The following CCDC87 variants were observed in gnomAD, a reference collection of about 807,000 sequenced individuals.
The protein encoded by CCDC87 is coiled-coil domain containing 87, also known as coiled-coil domain-containing protein 87.
For synonymous variants in CCDC87, 434 were observed against 440.2 expected (o/e 0.99, Z 0.18); for missense variants, 1,072 against 1,041.7 (o/e 1.03, Z -0.40).
Position 66,592,355 on chromosome 11 carries a change from G to C in CCDC87, c.661C>G (p.Gln221Glu). The C allele has an allele frequency of 6.2e-7, 1 of 1,614,174 alleles. No homozygotes were observed. The highest frequency in any genetic ancestry group is 8.5e-7 in the Non-Finnish European group (1 of 1,180,030). ...TAGTTCAGGTTGAGGTTAGAGCACT[G>C]CACTTGGGCGAAGCCAGTGCTGTGA... ...WPHSTGFAQV[Q>E]CSNLNLNYLI... Residue 221 changes from glutamine (Q) to glutamate (E), a missense_variant, in exon 1 of 1, where the codon CAG (glutamine) becomes GAG (glutamate). Coordinates refer to ENST00000333861, the MANE Select transcript of CCDC87 (RefSeq NM_018219.3).
At position 66,592,200 on chromosome 11, in the gene CCDC87, C is replaced by G. The variant is rs1262918836; in HGVS notation, c.816G>C (p.Lys272Asn). Residue 272 changes from lysine to asparagine, a missense_variant, in exon 1 of 1, where the codon AAG (lysine) becomes AAC (asparagine). Lys to Asn is a moderately conservative substitution (Grantham distance 94). Transcript: ENST00000333861. ...AGGAACTGATGTCGATTTCTCTCTT[C>G]TTTCCTATGGAGGGCAGCCAGTGGA... is the stretch of plus-strand genomic sequence containing the variant. ...KPFHWLPSIG[K>N]KREIDISSSQ... The G allele has an allele frequency of 3.7e-6, 6 of 1,605,668 alleles. No individual in the cohort carries two copies. In the African/African-American group the frequency reaches 8.0e-5, roughly 22 times the overall value.
chr11:66,592,723 G>C lies in CCDC87; in HGVS notation c.293C>G (p.Pro98Arg), dbSNP rs1243059154. 1 of 1,613,962 alleles carries C rather than the reference G, an allele frequency of 6.2e-7. No individual in the cohort carries two copies. Among genetic ancestry groups the C allele is most frequent in the Admixed American group, 1.7e-5 (1 of 60,028 alleles). The change falls in exon 1 of 1, where the codon CCG becomes CGG. Residue 98 changes from proline (P) to arginine (R), a missense_variant. Pro to Arg is a moderately radical substitution (Grantham distance 103). Transcript: ENST00000333861. ...LDELKCSWRE[P>R]PAELSLSHKN... The stretch of plus-strand genomic sequence containing the variant: ...GTGGCTCAGACTAAGTTCGGCGGGC[G>C]GCTCCCGCCAGCTGCACTTCAGCTC...
rs141833535 is a variant in CCDC87 at position 66,591,764 on chromosome 11, G to C, written c.1252C>G (p.Pro418Ala). The change falls in exon 1 of 1, where the codon CCC (proline) becomes GCC (alanine). Residue 418 changes from proline (P) to alanine (A), a missense_variant. Coordinates refer to ENST00000333861, the MANE Select transcript of CCDC87 (RefSeq NM_018219.3). ...GGGTGAAGTGGAAAGGATTTGGGGG[G>C]CTGGGGGTCCCACTGCCCAGAGGCT... The part of the protein sequence containing the change: ...EEASGQWDPQ[P>A]PKSFPLHPQP... 1.7e-5 allele frequency: 28 copies of C among 1,613,500 alleles called. No individual in the cohort carries two copies. The highest frequency in any genetic ancestry group is 4.0e-5 in the African/African-American group (3 of 74,924).
In CCDC87 at chr11:66,591,256, GAGT is replaced by G. The variant is rs778903383; in HGVS notation, c.1757_1759del (p.Asn586_Ser587delinsThr). On this transcript the variant is annotated inframe_deletion, in exon 1 of 1. Coordinates refer to ENST00000333861, the MANE Select transcript of CCDC87 (RefSeq NM_018219.3). ...ATCCACAGACAAGGTGGTTTTCCAT[GAGT>G]TCATCAAGGAGGCCTTGTTTGACCA... 1 of 1,614,250 alleles carries G rather than the reference GAGT, an allele frequency of 6.2e-7. No homozygotes were observed. Among genetic ancestry groups the G allele is most frequent in the South Asian group, 1.1e-5 (1 of 91,090 alleles).
Position 66,592,930 on chromosome 11 carries a change from G to A in CCDC87, c.86C>T (p.Thr29Met), listed in dbSNP as rs865913084. Residue 29 changes from threonine to methionine, a missense_variant, in exon 1 of 1, where the codon ACG (threonine) becomes ATG (methionine). By Grantham distance (81) the Thr-to-Met change is moderately conservative (BLOSUM62 -1). Transcript: ENST00000333861. ...GCGCTTCTGAGGCTCTGGGGACGTCGTCCTAGTGGGGAAGAGCGACAGCGG... is the reference window on the plus strand; with the variant it reads ...GCGCTTCTGAGGCTCTGGGGACGTCATCCTAGTGGGGAAGAGCGACAGCGG... ...LRPLSLFPTR[T>M]TSPEPQKRPP... The A allele has an allele frequency of 1.3e-6, 2 of 1,522,036 alleles. No individual in the cohort carries two copies. Among genetic ancestry groups the A allele is most frequent in the African/African-American group, 2.8e-5 (2 of 71,782 alleles). The allele number at this position is 1,522,036 out of a possible 1,614,324, so 94.3% of individuals were successfully genotyped here.
Position 66,590,256 on chromosome 11 carries a change from A to G in CCDC87, c.*210T>C. The G allele has an allele frequency of 1.9e-6, 1 of 532,106 alleles. No homozygotes were observed. The highest frequency in any genetic ancestry group is 3.3e-6 in the Non-Finnish European group (1 of 305,126). The allele number at this position is 532,106 out of a possible 1,614,324, so 33.0% of individuals were successfully genotyped here. ...TAGGCTTGGGGATTCTTTCATGAGAATTTCACTAAGAAAACAATAGTTTTA... is the reference window on the plus strand; with the variant it reads ...TAGGCTTGGGGATTCTTTCATGAGAGTTTCACTAAGAAAACAATAGTTTTA... On this transcript the variant is annotated 3_prime_UTR_variant, in exon 1 of 1. Coordinates refer to ENST00000333861, the MANE Select transcript of CCDC87 (RefSeq NM_018219.3).
rs774753466 is a variant in CCDC87 at position 66,591,758 on chromosome 11, T to TG, written c.1257dup (p.Lys420GlnfsTer17). 1.2e-6 allele frequency: 2 copies of TG among 1,613,450 alleles called. No individual in the cohort carries two copies. On this transcript the variant is annotated frameshift_variant, in exon 1 of 1. Coordinates refer to ENST00000333861, the MANE Select transcript of CCDC87 (RefSeq NM_018219.3). LOFTEE classifies it low-confidence loss of function (END_TRUNC). Reference sequence around the variant, plus strand: ...GGCTGTGGGTGAAGTGGAAAGGATTTGGGGGGCTGGGGGTCCCACTGCCCA... The same window carrying TG: ...GGCTGTGGGTGAAGTGGAAAGGATTTGGGGGGGCTGGGGGTCCCACTGCCCA...
Position 66,590,878 on chromosome 11 carries a change from T to C in CCDC87, c.2138A>G (p.Gln713Arg). Reference protein sequence around the residue: ...IKYSSKARLRQLPSLVNAWER... With the variant: ...IKYSSKARLRRLPSLVNAWER... ...CCAGGCATTCACCAATGAAGGCAGCTGCCTCAGGCGGGCTTTGGAGCTATA... is the reference window on the plus strand; with the variant it reads ...CCAGGCATTCACCAATGAAGGCAGCCGCCTCAGGCGGGCTTTGGAGCTATA... The change falls in exon 1 of 1, where the codon CAG (glutamine) becomes CGG (arginine). Residue 713 changes from glutamine (Q) to arginine (R), a missense_variant. Physicochemically the swap from Gln to Arg is conservative, Grantham distance 43 (BLOSUM62 1). Coordinates refer to ENST00000333861, the MANE Select transcript of CCDC87 (RefSeq NM_018219.3). The C allele has an allele frequency of 6.2e-7, 1 of 1,613,990 alleles. No homozygotes were observed. The highest frequency in any genetic ancestry group is 8.5e-7 in the Non-Finnish European group (1 of 1,180,058).
In CCDC87 at chr11:66,591,239, A is replaced by C. The variant is rs1242143470; in HGVS notation, c.1777T>G (p.Ser593Ala). Residue 593 changes from serine to alanine, a missense_variant, in exon 1 of 1, where the codon TCT (serine) becomes GCT (alanine). Transcript: ENST00000333861. ...SLMNSWKTTL[S>A]VDDYFKYLTN... ...AGGTACTTGAAGTAGTCATCCACAG[A>C]CAAGGTGGTTTTCCATGAGTTCATC... The C allele has an allele frequency of 6.2e-7, 1 of 1,614,118 alleles. No individual in the cohort carries two copies. The highest frequency in any genetic ancestry group is 1.3e-5 in the African/African-American group (1 of 74,938).
Position 66,591,670 on chromosome 11 carries a change from G to A in CCDC87, c.1346C>T (p.Ser449Phe). The A allele has an allele frequency of 6.2e-7, 1 of 1,613,830 alleles. No individual in the cohort carries two copies. Among genetic ancestry groups the A allele is most frequent in the Non-Finnish European group, 8.5e-7 (1 of 1,179,982 alleles). ...VVVQAAAVRV[S>F]DRNFLDSFHI... ...GAAAGAGTCTAAGAAGTTTCTATCA[G>A]AGACCCGTACGGCAGCCGCCTGGAC... The change falls in exon 1 of 1, where the codon TCT (serine) becomes TTT (phenylalanine). Residue 449 changes from serine to phenylalanine, a missense_variant. Ser to Phe is a radical substitution (Grantham distance 155, BLOSUM62 -2). Coordinates refer to ENST00000333861, the MANE Select transcript of CCDC87 (RefSeq NM_018219.3).
In CCDC87 at chr11:66,590,999, C is replaced by T. The variant is rs1339866836; in HGVS notation, c.2017G>A (p.Glu673Lys). 1.2e-6 allele frequency: 2 copies of T among 1,613,884 alleles called. No individual in the cohort carries two copies. Among genetic ancestry groups the T allele is most frequent in the Non-Finnish European group, 1.7e-6 (2 of 1,180,052 alleles). The change falls in exon 1 of 1, where the codon GAA becomes AAA. Residue 673 changes from glutamate (E) to lysine (K), a missense_variant. Physicochemically the swap from Glu to Lys is moderately conservative, Grantham distance 56. Transcript: ENST00000333861. ...LGAGKTPHLG[E>K]PHKILSLQKH... is the part of the protein sequence containing the mutation. ...TGCAGGCTCAGAATTTTGTGGGGTTCTCCCAGGTGGGGTGTCTTCCCAGCT... is the reference window on the plus strand; with the variant it reads ...TGCAGGCTCAGAATTTTGTGGGGTTTTCCCAGGTGGGGTGTCTTCCCAGCT...
In CCDC87 at chr11:66,591,135, A is replaced by T. The variant is rs745406356; in HGVS notation, c.1881T>A (p.Pro627=). ...EEEVPVEIVA[P]ARESLEIQHP... Reference sequence around the variant, plus strand: ...GCTGAATCTCTAGGGACTCTCTGGCAGGGGCCACAATCTCCACAGGAACCT... The same window carrying T: ...GCTGAATCTCTAGGGACTCTCTGGCTGGGGCCACAATCTCCACAGGAACCT... The change falls in exon 1 of 1, where the codon CCT becomes CCA. Residue 627 remains proline (P), a synonymous_variant. Transcript: ENST00000333861. The T allele has an allele frequency of 6.2e-7, 1 of 1,614,148 alleles. No homozygotes were observed. Among genetic ancestry groups the T allele is most frequent in the Non-Finnish European group, 8.5e-7 (1 of 1,180,032 alleles).
At position 66,591,820 on chromosome 11, in the gene CCDC87, T is replaced by A; in HGVS notation, c.1196A>T (p.Glu399Val). 1 of 1,613,278 alleles carries A rather than the reference T, an allele frequency of 6.2e-7. No individual in the cohort carries two copies. The highest frequency in any genetic ancestry group is 8.5e-7 in the Non-Finnish European group (1 of 1,179,736). ...CTCCTGGAGGTTCCTCAACATCTTC[T>A]CCAGCTCCTCCAGGCGATGCCCTGC... ...PAAGHRLEEL[E>V]KMLRNLQEEE... Residue 399 changes from glutamate (E) to valine (V), a missense_variant, in exon 1 of 1, where the codon GAG becomes GTG. Transcript: ENST00000333861.
rs367675853 is a variant in CCDC87 at position 66,590,465 on chromosome 11, A to C, written c.*1T>G. On this transcript the variant is annotated 3_prime_UTR_variant, in exon 1 of 1. Coordinates refer to ENST00000333861, the MANE Select transcript of CCDC87 (RefSeq NM_018219.3). The stretch of plus-strand genomic sequence containing the variant: ...AGTAATAGGGGTATTCCCAGGAGCT[A>C]CTAAAGGCTGGCTGCTGAGCTCCTG... The C allele has an allele frequency of 6.2e-7, 1 of 1,602,948 alleles. No homozygotes were observed. The highest frequency in any genetic ancestry group is 2.2e-5 in the East Asian group (1 of 44,862).
Position 66,592,102 on chromosome 11 carries a change from TCAGGG to T in CCDC87, c.909_913del (p.Cys303Ter), listed in dbSNP as rs1858376713. On this transcript the variant is annotated stop_gained and frameshift_variant, in exon 1 of 1. Coordinates refer to ENST00000333861, the MANE Select transcript of CCDC87 (RefSeq NM_018219.3). LOFTEE classifies it low-confidence loss of function (END_TRUNC). Reference sequence around the variant, plus strand: ...GGGCATGGATTGGCCTCTCCGGAGCTCAGGGCAGAAAGGCGAGGGGGAAGCCCTGC... The same window carrying T: ...GGGCATGGATTGGCCTCTCCGGAGCTCAGAAAGGCGAGGGGGAAGCCCTGC... 1 of 1,594,134 alleles carries T rather than the reference TCAGGG, an allele frequency of 6.3e-7. No homozygotes were observed. The highest frequency in any genetic ancestry group is 8.5e-7 in the Non-Finnish European group (1 of 1,170,064).
At position 66,590,721 on chromosome 11, in the gene CCDC87, C is replaced by A. The variant is rs1590824630; in HGVS notation, c.2295G>T (p.Glu765Asp). The A allele has an allele frequency of 8.7e-6, 14 of 1,613,826 alleles. No homozygotes were observed. Among genetic ancestry groups the A allele is most frequent in the Non-Finnish European group, 1.0e-5 (12 of 1,180,040 alleles). The change falls in exon 1 of 1, where the codon GAG becomes GAT. Residue 765 changes from glutamate (E) to aspartate (D), a missense_variant. Coordinates refer to ENST00000333861, the MANE Select transcript of CCDC87 (RefSeq NM_018219.3). Reference protein sequence around the residue: ...TNLSSSHFLEENQVRSHLHRK... With the variant: ...TNLSSSHFLEDNQVRSHLHRK... ...TGTGGAGATGGCTTCGGACCTGATT[C>A]TCCTCCAGGAAGTGACTGGAGCTCA... is the stretch of plus-strand genomic sequence containing the variant.
rs775696534 is a variant in CCDC87 at position 66,593,002 on chromosome 11, G to C, written c.14C>G (p.Pro5Arg). The C allele has an allele frequency of 1.3e-6, 2 of 1,512,826 alleles. No homozygotes were observed. Among genetic ancestry groups the C allele is most frequent in the African/African-American group, 1.4e-5 (1 of 71,554 alleles). 93.7% of individuals were successfully genotyped at this position (1,512,826 alleles called of 1,614,324 possible). A position where few individuals can be genotyped will look rare whatever the true frequency, so the allele number is the denominator to read the frequency against. MMEP[P>R]KPEPELQRFY... ...CCGCTGGAGCTCAGGCTCGGGCTTCGGGGGCTCCATCATAGAGCCGGCGGC... is the reference window on the plus strand; with the variant it reads ...CCGCTGGAGCTCAGGCTCGGGCTTCCGGGGCTCCATCATAGAGCCGGCGGC... Residue 5 changes from proline (P) to arginine (R), a missense_variant, in exon 1 of 1, where the codon CCG (proline) becomes CGG (arginine). Pro to Arg is a moderately radical substitution (Grantham distance 103, BLOSUM62 -2). Coordinates refer to ENST00000333861, the MANE Select transcript of CCDC87 (RefSeq NM_018219.3).
Position 66,592,144 on chromosome 11 carries a change from A to G in CCDC87, c.872T>C (p.Val291Ala). The G allele has an allele frequency of 6.3e-7, 1 of 1,586,254 alleles. No homozygotes were observed. Among genetic ancestry groups the G allele is most frequent in the Non-Finnish European group, 8.6e-7 (1 of 1,166,274 alleles). ...GGGGGAAGCCCTGCTGGTGGGGGCC[A>G]CAGGATAGCTGGGCAGCGACACCAT... ...SQMVSLPSYP[V>A]APTSRASPSP... Residue 291 changes from valine (V) to alanine (A), a missense_variant, in exon 1 of 1, where the codon GTG becomes GCG. Coordinates refer to ENST00000333861, the MANE Select transcript of CCDC87 (RefSeq NM_018219.3).
At position 66,590,251 on chromosome 11, in the gene CCDC87, T is replaced by C; in HGVS notation, c.*215A>G. On this transcript the variant is annotated 3_prime_UTR_variant, in exon 1 of 1. Coordinates refer to ENST00000333861, the MANE Select transcript of CCDC87 (RefSeq NM_018219.3). ...ACTACTAGGCTTGGGGATTCTTTCA[T>C]GAGAATTTCACTAAGAAAACAATAG... The C allele has an allele frequency of 1.9e-6, 1 of 530,168 alleles. No homozygotes were observed. The highest frequency in any genetic ancestry group is 3.1e-5 in the South Asian group (1 of 32,638). The allele number at this position is 530,168 out of a possible 1,614,324, so 32.8% of individuals were successfully genotyped here.
Sources: gnomAD v4.1 joint callset for allele counts on GRCh38, gnomAD v4.1.1 for gene constraint, MANE v1.5 for transcripts, NCBI Gene and HGNC (gene_info 2026-07-23, HGNC 2026-07-21) for gene names.